MYOM1: variants seen among roughly 807,000 people sequenced by gnomAD.
The protein encoded by MYOM1 is myomesin-1.
MYOM1 carries 164 observed loss-of-function variants against 205.3 expected under a neutral mutation model. The observed-to-expected ratio is 0.80, with a 90% CI of 0.70 to 0.91. MYOM1 has a LOEUF of 0.91. MYOM1 is among the 40% of genes least tolerant of loss of function. The probability of loss-of-function intolerance (pLI) is 0.00; values close to 1 mark genes in which losing one functional copy is unlikely to be tolerated. For missense variants in MYOM1, 2,011 were observed against 2,127.3 expected (o/e 0.95, Z 1.08); for synonymous variants, 772 against 789.4 (o/e 0.98, Z 0.37).
intron 2 of MYOM1, among the ~76,000 whole-genome samples, chr18:3,207,549 G>A (rs889563171): frequency 6.6e-6 from 1 of 152,184 alleles, no homozygotes; most frequent in African/African-American, 2.4e-5. Context: ...GACATTGCAC[G>A]AAAGTTACCT....
chr18:3,142,209 A>G lies in MYOM1; in HGVS notation c.1901-146T>C, dbSNP rs1049408184. 6 of 1,030,720 alleles carry G rather than the reference A, an allele frequency of 5.8e-6. No homozygotes were observed. The African/African-American group carries it at 9.7e-5, about 17-fold the overall frequency. 63.8% of individuals were successfully genotyped at this position (1,030,720 alleles called of 1,614,324 possible). A position where few individuals can be genotyped will look rare whatever the true frequency, so the allele number is the denominator to read the frequency against. ...GTACCTTCTCTCTAAAATTCCCCCA[A>G]AACATCATTCATTCATTCATTCTTC... On this transcript the variant is annotated intron_variant, in intron 13 of 37. Transcript: ENST00000356443.
intron 10 of MYOM1, 139 bp from the exon 11 acceptor site, chr18:3,155,227 CT>C: frequency 1.1e-6 from 1 of 923,836 alleles, no homozygotes; most frequent in Non-Finnish European, 1.5e-6. Context: ...TCAAATCTTG[CT>C]ATTTTTTTTT....
intron 26 of MYOM1, among the ~76,000 whole-genome samples, chr18:3,093,918 G>C (rs553130913): frequency 1.3e-4 from 20 of 152,020 alleles, no homozygotes; most frequent in East Asian, 5.8e-4. Context: ...CATACATCTC[G>C]GTTTGCCTGA....
Position 3,067,230 on chromosome 18 carries a change from C to T in MYOM1, c.*32G>A, listed in dbSNP as rs1225814346. On this transcript the variant is annotated 3_prime_UTR_variant, in exon 38 of 38. Coordinates refer to ENST00000356443, the MANE Select transcript of MYOM1 (RefSeq NM_003803.4). The stretch of plus-strand genomic sequence containing the variant: ...ACCCAAACCATTCACACCCAAGTCA[C>T]ACAGGCCGGCTGGCTCTCCTCGCAC... The T allele has an allele frequency of 1.5e-5, 24 of 1,552,816 alleles. No homozygotes were observed. The highest frequency in any genetic ancestry group is 2.0e-5 in the Non-Finnish European group (23 of 1,146,804).
At chr18:3,134,922 G>A (rs1057159751) in intron 15 of MYOM1, 98 bp from the exon 16 acceptor site, 45 of 1,201,846 alleles carry the variant, frequency 3.7e-5, no homozygotes, top group East Asian at 2.6e-4. Context: ...TACACACTTC[G>A]TCATGTCAAA....
rs775765790 is a variant in MYOM1 at position 3,094,219 on chromosome 18, T to C, written c.3815A>G (p.Asn1272Ser). Residue 1272 changes from asparagine to serine, a missense_variant, in exon 26 of 38, where the codon AAT (asparagine) becomes AGT (serine). Asn to Ser is a conservative substitution (Grantham distance 46, BLOSUM62 1). Transcript: ENST00000356443. ...GTTAAATATGTAGTTGACTTTGGCA[T>C]TGCCAGACAGTTTCTCAGCCTGCAT... is the stretch of plus-strand genomic sequence containing the variant. ...FWMQAEKLSG[N>S]AKVNYIFNEK... 1.8e-5 allele frequency: 29 copies of C among 1,613,896 alleles called. 1 individual carries two copies. The South Asian group carries it at 2.1e-4, about 12-fold the overall frequency.
chr18:3,155,413 A>G (rs2080285997), intron 10 of MYOM1, among the ~76,000 whole-genome samples: 1 of 152,106 alleles, frequency 6.6e-6, no homozygotes, highest in Non-Finnish European at 1.5e-5. Flanking sequence ...TTTGGTAGAG[A>G]TGGGGTTTCA....
At chr18:3,187,392 C>T (rs1186253165) in intron 5 of MYOM1, 88 bp downstream of exon 5, 11 of 1,407,536 alleles carry the variant, frequency 7.8e-6, no homozygotes, top group Non-Finnish European at 9.8e-6. Flanking sequence ...TTCATTGACT[C>T]TTGCATATGG....
intron 34 of MYOM1, among the ~76,000 whole-genome samples, chr18:3,077,658 T>C (rs1323166115): frequency 6.6e-6 from 1 of 152,138 alleles, no homozygotes; most frequent in Non-Finnish European, 1.5e-5. Flanking sequence ...TTAAAAGGGA[T>C]TTCAGAGTGG....
Position 3,188,886 on chromosome 18 carries a change from G to A in MYOM1, c.633C>T (p.Ser211=), listed in dbSNP as rs545848564. ...QSTASKQSTA[S]RQSTASRQSV... Reference sequence around the variant, plus strand: ...ACTGCCTGGATGCCGTGGACTGCCTGGATGCCGTGGACTGCTTGGATGCTG... The same window carrying A: ...ACTGCCTGGATGCCGTGGACTGCCTAGATGCCGTGGACTGCTTGGATGCTG... The change falls in exon 4 of 38, where the codon TCC becomes TCT. Residue 211 remains serine, a synonymous_variant. Coordinates refer to ENST00000356443, the MANE Select transcript of MYOM1 (RefSeq NM_003803.4). 1 of 1,608,214 alleles carries A rather than the reference G, an allele frequency of 6.2e-7. No homozygotes were observed. Among genetic ancestry groups the A allele is most frequent in the Non-Finnish European group, 8.5e-7 (1 of 1,176,186 alleles).
At chr18:3,124,510 T>C (rs2079749234) in intron 19 of MYOM1, among the ~76,000 whole-genome samples, 1 of 151,552 alleles carries the variant, frequency 6.6e-6, no homozygotes, top group African/African-American at 2.4e-5. Context: ...TTTGTATTTT[T>C]AGTAGAGACA....
At chr18:3,140,620 C>T (rs2080034798) in intron 14 of MYOM1, among the ~76,000 whole-genome samples, 1 of 152,138 alleles carries the variant, frequency 6.6e-6, no homozygotes. Flanking sequence ...TGCATATTGT[C>T]TTTATGTTGT....
At chr18:3,085,932 T>C (rs561213162) in intron 30 of MYOM1, 106 bp downstream of exon 30, 59 of 681,196 alleles carry the variant, frequency 8.7e-5, no homozygotes, top group African/African-American at 8.6e-4. Context: ...AGTAAGCTAA[T>C]ATAAATCCCC....
chr18:3,094,067 C>T, intron 26 of MYOM1, 103 bp downstream of exon 26: 1 of 1,198,354 alleles, frequency 8.3e-7, no homozygotes, highest in Non-Finnish European at 1.2e-6. Context: ...TCTCCCACTC[C>T]ACCACCCAGC....
chr18:3,183,282 C>T (rs537943690), intron 5 of MYOM1, among the ~76,000 whole-genome samples: 1 of 152,342 alleles, frequency 6.6e-6, no homozygotes, highest in African/African-American at 2.4e-5. Flanking sequence ...CTGCTGCTGT[C>T]AGAGCGAGTT....
chr18:3,110,679 T>TAAAC (rs932191592), intron 22 of MYOM1, among the ~76,000 whole-genome samples: 1 of 152,070 alleles, frequency 6.6e-6, no homozygotes, highest in African/African-American at 2.4e-5. Context: ...AATTGCTAAG[T>TAAAC]AAACAAACAA....
In MYOM1 at chr18:3,164,258, TG is replaced by T; in HGVS notation, c.1501+19del. The T allele has an allele frequency of 3.7e-6, 6 of 1,608,502 alleles. No homozygotes were observed. The highest frequency in any genetic ancestry group is 4.2e-6 in the Non-Finnish European group (5 of 1,177,404). On this transcript the variant is annotated intron_variant, in intron 10 of 37. Coordinates refer to ENST00000356443, the MANE Select transcript of MYOM1 (RefSeq NM_003803.4). ...GTGTACTAAATATTGTTAGGTGTTT[TG>T]TTTTTTGCTAGGACTTACCTCGAAC...
intron 36 of MYOM1, among the ~76,000 whole-genome samples, chr18:3,075,215 T>G (rs889219692): frequency 6.6e-6 from 1 of 152,336 alleles, no homozygotes; most frequent in African/African-American, 2.4e-5. Flanking sequence ...TCAGGATGTC[T>G]GGGTTGTAGC....
At chr18:3,162,792 G>A (rs77710391) in intron 10 of MYOM1, among the ~76,000 whole-genome samples, 18,473 of 152,118 alleles carry the variant, frequency 0.12, 1,260 homozygotes, top group Admixed American at 0.21. Flanking sequence ...TTGGGAGACC[G>A]AGACCGGTGG....
Sources: gnomAD v4.1 joint callset for allele counts (sites outside exome capture counted in the v4.1 genomes callset) on GRCh38, gnomAD v4.1.1 for gene constraint, MANE v1.5 for transcripts, NCBI Gene and HGNC (gene_info 2026-07-23, HGNC 2026-07-21) for gene names.